ESYT1: variants seen among roughly 807,000 people sequenced by gnomAD.
ESYT1 encodes extended synaptotagmin-1.
Under a neutral mutation model 154.2 loss-of-function variants are expected in ESYT1, and 116 were observed. The observed-to-expected ratio is 0.75, with a 90% CI of 0.65 to 0.88. The LOEUF is 0.88. ESYT1 is among the 40% of genes least tolerant of loss of function. The pLI is 0.00. For synonymous variants in ESYT1, 500 were observed against 539.9 expected, an observed-to-expected ratio of 0.93 and a Z score of 1.02; for missense variants, 1,264 against 1,379.3, an observed-to-expected ratio of 0.92 and a Z score of 1.32.
In ESYT1 at chr12:56,143,076, C is replaced by T. The variant is rs980559689; in HGVS notation, c.3047C>T (p.Pro1016Leu). 1 of 1,614,054 alleles carries T rather than the reference C, an allele frequency of 6.2e-7. No homozygotes were observed. Among genetic ancestry groups the T allele is most frequent in the African/African-American group, 1.3e-5 (1 of 74,906 alleles). Residue 1016 changes from proline (P) to leucine (L), a missense_variant, in exon 28 of 31, where the codon CCA (proline) becomes CTA (leucine). Transcript: ENST00000394048. ...PDPYVSLLLL[P>L]DKNRGTKRRT... ...CCCTATGTGTCACTGTTGCTACTGC[C>T]AGACAAGAACCGAGGCACCAAGAGG... is the stretch of plus-strand genomic sequence containing the variant.
In ESYT1 at chr12:56,142,374, G is replaced by A; in HGVS notation, c.2682G>A (p.Trp894Ter). The A allele has an allele frequency of 6.2e-7, 1 of 1,614,116 alleles. No homozygotes were observed. Among genetic ancestry groups the A allele is most frequent in the East Asian group, 2.2e-5 (1 of 44,880 alleles). ...CTGACCAGCTCTGCTTGGACCGCTGGTTTACACTCAGCAGTGGTCAGGGGC... is the reference window on the plus strand; with the variant it reads ...CTGACCAGCTCTGCTTGGACCGCTGATTTACACTCAGCAGTGGTCAGGGGC... ...LVADQLCLDR[W>*]FTLSSGQGQV... Residue 894 changes from tryptophan (W) to a stop codon, truncating the protein, a stop_gained, in exon 25 of 31, where the codon TGG (tryptophan) becomes TGA (stop). Transcript: ENST00000394048. LOFTEE classifies it high-confidence loss of function. The surrounding 1 kb of genome is among the most constrained non-coding windows in gnomAD (Gnocchi z 4.1).
rs1870206165 is a variant in ESYT1, at chr12:56,130,930, G to A, written c.567+5G>A. The A allele has an allele frequency of 6.2e-7, 1 of 1,614,226 alleles. No individual in the cohort carries two copies. The highest frequency in any genetic ancestry group is 8.5e-7 in the Non-Finnish European group (1 of 1,180,034). On this transcript the variant is annotated splice_donor_5th_base_variant and intron_variant, in intron 3 of 30. Transcript: ENST00000394048. ...CGAGTGGAACTGGGTGAAAAGGTAT[G>A]TGTGGAGGAGGGAAAGTGAGGAGGT...
At position 56,137,360 on chromosome 12, in the gene ESYT1, A is replaced by C. The variant is rs759607902; in HGVS notation, c.1925A>C (p.Gln642Pro). The C allele has an allele frequency of 1.2e-6, 2 of 1,614,180 alleles. No homozygotes were observed. Among genetic ancestry groups the C allele is most frequent in the South Asian group, 2.2e-5 (2 of 91,074 alleles). Residue 642 changes from glutamine (Q) to proline (P), a missense_variant, in exon 17 of 31, where the codon CAG (glutamine) becomes CCG (proline). Coordinates refer to ENST00000394048, the MANE Select transcript of ESYT1 (RefSeq NM_015292.3). ...PRPCHTTPDS[Q>P]FGTEHVLRIH... ...CCCTGTCACACGACTCCTGATAGCC[A>C]GTTTGGGACTGAGGTGAGTCTATAT...
chr12:56,142,917 A>G lies in ESYT1; in HGVS notation c.2971A>G (p.Ile991Val), dbSNP rs1202786014. 1.2e-6 allele frequency: 2 copies of G among 1,614,032 alleles called. No homozygotes were observed. The highest frequency in any genetic ancestry group is 2.2e-5 in the East Asian group (1 of 44,890). The change falls in exon 27 of 31, where the codon ATT becomes GTT. Residue 991 changes from isoleucine (I) to valine (V), a missense_variant. Physicochemically the swap from Ile to Val is conservative, Grantham distance 29. Transcript: ENST00000394048. The surrounding 1 kb of genome is among the most constrained non-coding windows in gnomAD (Gnocchi z 4.1). ...YYSEERKLVSIVHGCRSLRQN... is the reference protein window; with the variant it reads ...YYSEERKLVSVVHGCRSLRQN... The stretch of plus-strand genomic sequence containing the variant: ...CAGTGAAGAACGAAAGCTGGTCAGC[A>G]TTGTTCATGGTTGCCGGTGAGACCC...
chr12:56,138,822 A>G lies in ESYT1; in HGVS notation c.2488A>G (p.Ser830Gly). 1.2e-6 allele frequency: 2 copies of G among 1,614,190 alleles called. No individual in the cohort carries two copies. Among genetic ancestry groups the G allele is most frequent in the Non-Finnish European group, 1.7e-6 (2 of 1,179,996 alleles). ...SPYATLTVGD[S>G]SHKTKTISQT... The stretch of plus-strand genomic sequence containing the variant: ...TTATGCTACTCTCACTGTGGGAGAT[A>G]GTTCTCATAAAACCAAGGTATGAAG... The change falls in exon 23 of 31, where the codon AGT (serine) becomes GGT (glycine). Residue 830 changes from serine (S) to glycine (G), a missense_variant. Transcript: ENST00000394048.
rs1003017466 is a variant in ESYT1, at chr12:56,136,822, A to G, written c.1711A>G (p.Ile571Val). 1.9e-6 allele frequency: 3 copies of G among 1,609,662 alleles called. No individual in the cohort carries two copies. The highest frequency in any genetic ancestry group is 3.4e-5 in the Admixed American group (2 of 59,640). The stretch of plus-strand genomic sequence containing the variant: ...CCGCCTGCTGACTGCCCCAGAACTC[A>G]TCCTGGACCAGTGGTTCCAGCTCAG... ...LARLLTAPELILDQWFQLSSS... is the reference protein window; with the variant it reads ...LARLLTAPELVLDQWFQLSSS... The change falls in exon 16 of 31, where the codon ATC becomes GTC. Residue 571 changes from isoleucine to valine, a missense_variant. Physicochemically the swap from Ile to Val is conservative, Grantham distance 29. Coordinates refer to ENST00000394048, the MANE Select transcript of ESYT1 (RefSeq NM_015292.3).
intron 24 of ESYT1, among the ~76,000 whole-genome samples, chr12:56,141,319 A>G (rs1406777838): frequency 6.6e-6 from 1 of 152,270 alleles, no homozygotes; most frequent in African/African-American, 2.4e-5. Context: ...AGAACAAAGA[A>G]AACAGGAGGG....
chr12:56,142,518 T>A lies in ESYT1; in HGVS notation c.2734-60T>A, dbSNP rs2136887073. The A allele has an allele frequency of 6.2e-7, 1 of 1,611,688 alleles. No individual in the cohort carries two copies. The highest frequency in any genetic ancestry group is 2.2e-5 in the East Asian group (1 of 44,830). On this transcript the variant is annotated intron_variant, in intron 25 of 30. Transcript: ENST00000394048. The surrounding 1 kb of genome is among the most constrained non-coding windows in gnomAD (Gnocchi z 4.1). ...CCAGGAGGGTGGGAACAGAGGGCCG[T>A]GTCCTTAGAGTGAGGGAACTGAGAG...
chr12:56,142,411 A>G lies in ESYT1; in HGVS notation c.2719A>G (p.Arg907Gly). ...LSSGQGQVLL[R>G]AQLGILVSQH... Reference sequence around the variant, plus strand: ...CAGTGGTCAGGGGCAGGTGCTACTGAGAGCACAGCTAGGGGTGAGTGACAG... The same window carrying G: ...CAGTGGTCAGGGGCAGGTGCTACTGGGAGCACAGCTAGGGGTGAGTGACAG... The change falls in exon 25 of 31, where the codon AGA (arginine) becomes GGA (glycine). Residue 907 changes from arginine (R) to glycine (G), a missense_variant. By Grantham distance (125) the Arg-to-Gly change is moderately radical. Transcript: ENST00000394048. The surrounding 1 kb of genome is among the most constrained non-coding windows in gnomAD (Gnocchi z 4.1). The G allele has an allele frequency of 6.2e-7, 1 of 1,613,268 alleles. No homozygotes were observed.
intron 1 of ESYT1, chr12:56,130,266 CT>C (rs1295598361): frequency 2.2e-6 from 1 of 451,860 alleles, no homozygotes; most frequent in African/African-American, 2.0e-5. Flanking sequence ...TTGACTGGAC[CT>C]CCCCCTCCAG....
Position 56,130,906 on chromosome 12 carries a change from G to A in ESYT1, c.548G>A (p.Arg183Gln), listed in dbSNP as rs767078775. 6.2e-6 allele frequency: 10 copies of A among 1,614,062 alleles called. No homozygotes were observed. The African/African-American group carries it at 8.0e-5, about 13-fold the overall frequency. The part of the protein sequence containing the change: ...NPHLQTFTFT[R>Q]VELGEKPLRI... ...CATCTGCAAACATTTACATTTACAC[G>A]AGTGGAACTGGGTGAAAAGGTATGT... Residue 183 changes from arginine (R) to glutamine (Q), a missense_variant, in exon 3 of 31, where the codon CGA (arginine) becomes CAA (glutamine). Coordinates refer to ENST00000394048, the MANE Select transcript of ESYT1 (RefSeq NM_015292.3).
chr12:56,131,640 A>G, intron 6 of ESYT1, 74 bp downstream of exon 6: 1 of 1,602,200 alleles, frequency 6.2e-7, no homozygotes, highest in South Asian at 1.1e-5. Context: ...CAGCCAGTGA[A>G]GGGGAATGAG....
chr12:56,133,706 G>C, intron 12 of ESYT1, 32 bp downstream of exon 12: 1 of 1,613,534 alleles, frequency 6.2e-7, no homozygotes, highest in Non-Finnish European at 8.5e-7. Context: ...AAGCTGGCAG[G>C]GGAGAAATAG....
At position 56,137,876 on chromosome 12, in the gene ESYT1, C is replaced by T. The variant is rs74967048; in HGVS notation, c.2160C>T (p.Val720=). ...SVPGQELEVE[V]FDKDLDKDDF... is the part of the protein sequence containing the mutation. Reference sequence around the variant, plus strand: ...CAGGCCAAGAGCTAGAGGTTGAAGTCTTTGACAAGGACTTGGACAAGGATG... The same window carrying T: ...CAGGCCAAGAGCTAGAGGTTGAAGTTTTTGACAAGGACTTGGACAAGGATG... Residue 720 remains valine (V), a synonymous_variant, in exon 19 of 31, where the codon GTC becomes GTT. Transcript: ENST00000394048. 0.016 allele frequency: 26,228 copies of T among 1,614,144 alleles called. 245 individuals carry two copies. The highest frequency in any genetic ancestry group is 0.02 in the Non-Finnish European group (23,053 of 1,180,004).
intron 15 of ESYT1, among the ~76,000 whole-genome samples, chr12:56,135,543 C>A (rs1258044294): frequency 6.6e-6 from 1 of 151,890 alleles, no homozygotes; most frequent in African/African-American, 2.4e-5. Context: ...ACTCACTGGC[C>A]AGTTTCAGTT....
At chr12:56,135,754 T>C (rs1442167048) in intron 15 of ESYT1, among the ~76,000 whole-genome samples, 1 of 151,676 alleles carries the variant, frequency 6.6e-6, no homozygotes, top group Non-Finnish European at 1.5e-5. Flanking sequence ...TAGCCAGGCA[T>C]GGTGGTGCGT....
chr12:56,138,791 C>T lies in ESYT1; in HGVS notation c.2457C>T (p.Leu819=). The T allele has an allele frequency of 3.1e-6, 5 of 1,614,246 alleles. No homozygotes were observed. The highest frequency in any genetic ancestry group is 1.7e-5 in the Admixed American group (1 of 60,034). Residue 819 remains leucine (L), a synonymous_variant, in exon 23 of 31, where the codon CTC becomes CTT. Transcript: ENST00000394048. ...DLPLRKGTKH[L]SPYATLTVGD... ...AGCTGCGAAAAGGCACCAAGCACCT[C>T]AGCCCTTATGCTACTCTCACTGTGG...
chr12:56,139,086 T>C, intron 24 of ESYT1, 73 bp downstream of exon 24: 1 of 1,153,784 alleles, frequency 8.7e-7, no homozygotes, highest in Non-Finnish European at 1.3e-6. Flanking sequence ...GCACAGAGCA[T>C]TCAGAGATGA....
In ESYT1 at chr12:56,128,412, C is replaced by T. The variant is rs781191482; in HGVS notation, c.93C>T (p.His31=). ...CCACTGACCAGCCCCCCGCTGCTCACGCAAAGCCAGACCCAGGTTCTGGGG... is the reference window on the plus strand; with the variant it reads ...CCACTGACCAGCCCCCCGCTGCTCATGCAAAGCCAGACCCAGGTTCTGGGG... ...SDPTDQPPAA[H]AKPDPGSGGQ... is the part of the protein sequence containing the mutation. Residue 31 remains histidine (H), a synonymous_variant, in exon 1 of 31, where the codon CAC becomes CAT. Transcript: ENST00000394048. 6.2e-7 allele frequency: 1 copy of T among 1,612,120 alleles called. No individual in the cohort carries two copies. Among genetic ancestry groups the T allele is most frequent in the Non-Finnish European group, 8.5e-7 (1 of 1,179,012 alleles).
Sources: gnomAD v4.1 joint callset for allele counts (sites outside exome capture counted in the v4.1 genomes callset) on GRCh38, gnomAD v4.1.1 for gene constraint, Gnocchi (gnomAD v3.1) non-coding constraint, MANE v1.5 for transcripts, NCBI Gene and HGNC (gene_info 2026-07-23, HGNC 2026-07-21) for gene names.